CACNA1E: variants seen among roughly 807,000 people sequenced by gnomAD.
CACNA1E encodes voltage-dependent R-type calcium channel subunit alpha-1E.
CACNA1E carries 40 observed loss-of-function variants against 259.2 expected under a neutral mutation model. The ratio of observed to expected loss-of-function variants is 0.15; its 90% CI spans 0.12 to 0.20. The LOEUF is 0.20. CACNA1E is among the 10% of genes least tolerant of loss of function. CACNA1E has a pLI of 1.00. For synonymous variants in CACNA1E, 1,104 were observed against 1,138.5 expected, an observed-to-expected ratio of 0.97 and a Z score of 0.61; for missense variants, 1,874 against 3,040.1, an observed-to-expected ratio of 0.62 and a Z score of 9.02.
intron 2 of CACNA1E, among the ~76,000 whole-genome samples, chr1:181,477,695 T>C (rs1477672160): frequency 6.6e-6 from 1 of 152,234 alleles, no homozygotes; most frequent in Non-Finnish European, 1.5e-5. Context: ...CTGGCTGCAC[T>C]TCTGAAGTTG....
At position 181,497,977 on chromosome 1, in the gene CACNA1E, C is replaced by T. The variant is rs12039784; in HGVS notation, c.267-12500C>T. ...TCTTTGCTATTTTGTCTTTCCCCCG[C>T]CAAAACTCCACTGCTGCAGTTCCTT... On this transcript the variant is annotated intron_variant, in intron 1 of 47. Transcript: ENST00000367573. Among the ~76,000 whole-genome samples the T allele has an allele frequency of 3.9e-5, 6 of 152,220 alleles. No homozygotes were observed. In the East Asian group the frequency reaches 5.8e-4, roughly 15 times the overall value.
rs959561482 is a variant in CACNA1E at position 181,776,776 on chromosome 1, G to A, written c.5267+548G>A. Reference sequence around the variant, plus strand: ...ACTAAATTAAATGGTAGGAATTGGTGAAGATAACTTCTTTACTGTCTCTTT... The same window carrying A: ...ACTAAATTAAATGGTAGGAATTGGTAAAGATAACTTCTTTACTGTCTCTTT... On this transcript the variant is annotated intron_variant, in intron 38 of 47. Coordinates refer to ENST00000367573, the MANE Select transcript of CACNA1E (RefSeq NM_001205293.3). The surrounding 1 kb of genome is among the most constrained non-coding windows in gnomAD (Gnocchi z 4.4). Among the ~76,000 whole-genome samples, 1 of 152,372 alleles carries A rather than the reference G, an allele frequency of 6.6e-6. No individual in the cohort carries two copies. The highest frequency in any genetic ancestry group is 1.5e-5 in the Non-Finnish European group (1 of 68,034).
intron 2 of CACNA1E, among the ~76,000 whole-genome samples, chr1:181,415,365 A>C (rs1388576752): frequency 6.6e-6 from 1 of 152,138 alleles, no homozygotes; most frequent in Non-Finnish European, 1.5e-5. Context: ...GGCGGGGATG[A>C]TTGGGAGACT....
At chr1:181,742,650 C>T (rs1181195704) in intron 25 of CACNA1E, among the ~76,000 whole-genome samples, 1 of 152,162 alleles carries the variant, frequency 6.6e-6, no homozygotes, top group African/African-American at 2.4e-5. Flanking sequence ...GACCCTGGCC[C>T]AACTCCCAGG....
intron 2 of CACNA1E, among the ~76,000 whole-genome samples, chr1:181,418,932 GTACCATTAT>G (rs1198619595): frequency 2.0e-5 from 3 of 151,468 alleles, no homozygotes; most frequent in African/African-American, 7.3e-5. Flanking sequence ...ATTGAAGCTG[GTACCATTAT>G]TACCATTATT....
chr1:181,609,066 G>A (rs1369156009), intron 6 of CACNA1E, among the ~76,000 whole-genome samples: 3 of 152,292 alleles, frequency 2.0e-5, no homozygotes, highest in Admixed American at 2.0e-4. Flanking sequence ...GAAGAAATGG[G>A]GAGAGAACAT....
Position 181,762,531 on chromosome 1 carries a change from T to TC in CACNA1E, c.4606-42dup, listed in dbSNP as rs149636359. ...AAGATGTCTTTTCTCCTTTTTTTTTTCTTTCCTTTTCTGATGTTCCTATGA... is the reference window on the plus strand; with the variant it reads ...AAGATGTCTTTTCTCCTTTTTTTTTTCCTTTCCTTTTCTGATGTTCCTATGA... On this transcript the variant is annotated intron_variant, in intron 32 of 47. Transcript: ENST00000367573. 269,023 of 1,114,134 alleles carry TC rather than the reference T, an allele frequency of 0.24. 30,819 individuals are homozygous for TC. The highest frequency in any genetic ancestry group is 0.33 in the South Asian group (24,494 of 74,548). 69.0% of individuals were successfully genotyped at this position (1,114,134 alleles called of 1,614,324 possible).
chr1:181,728,671 G>T (rs978506478), intron 18 of CACNA1E, among the ~76,000 whole-genome samples: 1 of 152,192 alleles, frequency 6.6e-6, no homozygotes. Context: ...ATAGGTGTGT[G>T]TCCTCTGCCC....
chr1:181,649,788 T>C (rs1466409494), intron 6 of CACNA1E, among the ~76,000 whole-genome samples: 1 of 151,712 alleles, frequency 6.6e-6, no homozygotes, highest in African/African-American at 2.4e-5. Flanking sequence ...CACTTATAGG[T>C]GGGGGATAAA....
Position 181,737,139 on chromosome 1 carries a change from T to G in CACNA1E, c.3423-386T>G, listed in dbSNP as rs76187060. On this transcript the variant is annotated intron_variant, in intron 22 of 47. Coordinates refer to ENST00000367573, the MANE Select transcript of CACNA1E (RefSeq NM_001205293.3). ...TCAGGAATTTTAGAATCAAGATCTCTTTTTATGTTTTTTGGTTCTTTGTAA... is the reference window on the plus strand; with the variant it reads ...TCAGGAATTTTAGAATCAAGATCTCGTTTTATGTTTTTTGGTTCTTTGTAA... Among the ~76,000 whole-genome samples, 163 of 152,350 alleles carry G rather than the reference T, an allele frequency of 1.1e-3. 3 individuals carry two copies. The East Asian group carries it at 0.027, about 25-fold the overall frequency.
At chr1:181,338,140 C>T (rs552772535) in intron 1 of CACNA1E, among the ~76,000 whole-genome samples, 27 of 152,242 alleles carry the variant, frequency 1.8e-4, no homozygotes, top group South Asian at 1.5e-3. Context: ...GGCTGGAGTG[C>T]GGTGGCGTGA....
intron 6 of CACNA1E, among the ~76,000 whole-genome samples, chr1:181,594,850 T>C (rs1200257619): frequency 3.3e-5 from 5 of 152,168 alleles, no homozygotes; most frequent in African/African-American, 7.2e-5. Context: ...AAGAAAAATG[T>C]ATGTGTGAGA....
chr1:181,775,515 C>T (rs555884761), intron 37 of CACNA1E, among the ~76,000 whole-genome samples: 1 of 152,314 alleles, frequency 6.6e-6, no homozygotes, highest in East Asian at 1.9e-4. Context: ...TATCTCTCTC[C>T]TCTCTAAACC....
At position 181,719,803 on chromosome 1, in the gene CACNA1E, C is replaced by T. The variant is rs1489020930; in HGVS notation, c.1691C>T (p.Thr564Met). The T allele has an allele frequency of 1.2e-6, 2 of 1,605,200 alleles. No individual in the cohort carries two copies. Among genetic ancestry groups the T allele is most frequent in the Non-Finnish European group, 8.5e-7 (1 of 1,175,818 alleles). ...EVVWAIFRPG[T>M]SFGISVLRAL... ...GTCTGGGCAATCTTCAGACCTGGTACGTCTTTTGGAATCAGTGTCTTGCGA... is the reference window on the plus strand; with the variant it reads ...GTCTGGGCAATCTTCAGACCTGGTATGTCTTTTGGAATCAGTGTCTTGCGA... The change falls in exon 13 of 48, where the codon ACG becomes ATG. Residue 564 changes from threonine (T) to methionine (M), a missense_variant. By Grantham distance (81) the Thr-to-Met change is moderately conservative (BLOSUM62 -1). Transcript: ENST00000367573.
intron 3 of CACNA1E, among the ~76,000 whole-genome samples, chr1:181,560,032 T>A (rs997646184): frequency 6.6e-6 from 1 of 152,304 alleles, no homozygotes; most frequent in African/African-American, 2.4e-5. Flanking sequence ...AGAGCTATTT[T>A]TTTTTTCTGT....
chr1:181,656,026 G>A (rs547823992), intron 7 of CACNA1E, among the ~76,000 whole-genome samples: 21 of 152,210 alleles, frequency 1.4e-4, no homozygotes, highest in Admixed American at 1.2e-3. Context: ...TTGTGGTGAC[G>A]CTGGTGTAAA....
chr1:181,541,422 T>TC (rs1300692005), intron 3 of CACNA1E, among the ~76,000 whole-genome samples: 1 of 151,498 alleles, frequency 6.6e-6, no homozygotes, highest in African/African-American at 2.4e-5. Flanking sequence ...GTTATGAATC[T>TC]CCCCATTAGA....
At chr1:181,403,737 A>C (rs1657264075) in intron 1 of CACNA1E, among the ~76,000 whole-genome samples, 1 of 152,206 alleles carries the variant, frequency 6.6e-6, no homozygotes. Context: ...TGTAAGTAAC[A>C]GAAAACCTGA....
At chr1:181,332,939 C>T (rs1016171143) in intron 1 of CACNA1E, among the ~76,000 whole-genome samples, 1 of 152,112 alleles carries the variant, frequency 6.6e-6, no homozygotes, top group Non-Finnish European at 1.5e-5. Context: ...CAGAAGAGGT[C>T]CATGCAGAAT....
Sources: allele counts gnomAD v4.1 joint callset (sites outside exome capture counted in the v4.1 genomes callset), GRCh38; gene constraint gnomAD v4.1.1; non-coding constraint Gnocchi (gnomAD v3.1); transcripts MANE v1.5; gene names NCBI Gene and HGNC (gene_info 2026-07-23, HGNC 2026-07-21).